The following TECPR2 variants were observed in gnomAD, a reference collection of about 807,000 sequenced individuals.
TECPR2 encodes the protein tectonin beta-propeller repeat-containing protein 2.
A neutral mutation model predicts 138.1 loss-of-function variants in TECPR2; 65 were observed. That is an observed-to-expected ratio of 0.47 (90% confidence interval 0.39 to 0.58). The LOEUF (loss-of-function observed/expected upper bound fraction) is 0.58, where lower values mean the gene tolerates loss of function less well. TECPR2 is among the 20% of genes least tolerant of loss of function. The pLI, the probability that TECPR2 is intolerant of heterozygous loss-of-function variation, is 0.00. For missense variants in TECPR2, 1,553 were observed against 1,824.5 expected (o/e 0.85, Z 2.71); for synonymous variants, 746 against 749.8 (o/e 0.99, Z 0.08).
intron 17 of TECPR2, among the ~76,000 whole-genome samples, chr14:102,491,056 G>A (rs576713858): frequency 2.7e-5 from 4 of 149,928 alleles, no homozygotes; most frequent in South Asian, 4.2e-4. Context: ...CACCATGCCC[G>A]ATTAATTTTG....
chr14:102,406,277 G>T (rs189702683), intron 2 of TECPR2, among the ~76,000 whole-genome samples: 1 of 151,904 alleles, frequency 6.6e-6, no homozygotes, highest in South Asian at 2.1e-4. Flanking sequence ...GGCTGGGCAT[G>T]GTGGCCCACA....
rs1311356272 is a variant in TECPR2 at position 102,376,889 on chromosome 14, G to T, written c.168G>T (p.Met56Ile). Reference protein sequence around the residue: ...DYIAVGSSIGMLYLYCRHLNQ... With the variant: ...DYIAVGSSIGILYLYCRHLNQ... ...TCGCGGTGGGCAGCAGCATCGGCAT[G>T]CTCTATCTGTACTGCCGGCACCTCA... Residue 56 changes from methionine (M) to isoleucine (I), a missense_variant, in exon 2 of 20, where the codon ATG becomes ATT. By Grantham distance (10) the Met-to-Ile change is conservative. Coordinates refer to ENST00000359520, the MANE Select transcript of TECPR2 (RefSeq NM_014844.5). 5.0e-6 allele frequency: 8 copies of T among 1,613,990 alleles called. No homozygotes were observed. The highest frequency in any genetic ancestry group is 1.6e-4 in the Middle Eastern group (1 of 6,084).
At chr14:102,456,884 C>A (rs116342726) in intron 16 of TECPR2, among the ~76,000 whole-genome samples, 1,682 of 151,464 alleles carry the variant, frequency 0.011, 36 homozygotes, top group African/African-American at 0.039. Context: ...CTACCGCACC[C>A]AGCCTCCCTG....
chr14:102,378,558 T>C (rs1887702879), intron 2 of TECPR2, among the ~76,000 whole-genome samples: 1 of 152,104 alleles, frequency 6.6e-6, no homozygotes, highest in Non-Finnish European at 1.5e-5. Context: ...TTGCCTGAGG[T>C]TGGCTGGTAG....
At chr14:102,406,717 T>C (rs995505040) in intron 2 of TECPR2, among the ~76,000 whole-genome samples, 2 of 151,952 alleles carry the variant, frequency 1.3e-5, no homozygotes, top group Admixed American at 6.6e-5. Context: ...TACCTGGGTG[T>C]GGGGCACACG....
chr14:102,439,050 G>A (rs1480004810), intron 10 of TECPR2, among the ~76,000 whole-genome samples: 1 of 151,696 alleles, frequency 6.6e-6, no homozygotes, highest in Non-Finnish European at 1.5e-5. Context: ...TTTTTTAGTG[G>A]ACACGGGGTT....
At chr14:102,466,356 G>A (rs1219687465) in intron 17 of TECPR2, among the ~76,000 whole-genome samples, 1 of 152,188 alleles carries the variant, frequency 6.6e-6, no homozygotes, top group Non-Finnish European at 1.5e-5. Flanking sequence ...CTTTGTGAAT[G>A]ATACGGCACT....
intron 10 of TECPR2, chr14:102,438,428 C>A: frequency 1.9e-6 from 1 of 523,680 alleles, no homozygotes; most frequent in Non-Finnish European, 3.3e-6. Flanking sequence ...AATGGGTGTT[C>A]AGTTTGAGTT....
chr14:102,369,422 T>C (rs1035580360), intron 1 of TECPR2, among the ~76,000 whole-genome samples: 3 of 152,154 alleles, frequency 2.0e-5, no homozygotes, highest in African/African-American at 7.2e-5. Context: ...GGGGTCTTGC[T>C]CTGTCACCTA....
At chr14:102,381,184 C>T (rs143977588) in intron 2 of TECPR2, among the ~76,000 whole-genome samples, 17 of 152,118 alleles carry the variant, frequency 1.1e-4, no homozygotes, top group Non-Finnish European at 1.8e-4. Flanking sequence ...TGGTGTCAAA[C>T]TCCTGATGTC....
intron 2 of TECPR2, among the ~76,000 whole-genome samples, chr14:102,385,438 A>G (rs987803648): frequency 6.6e-6 from 1 of 151,910 alleles, no homozygotes; most frequent in African/African-American, 2.4e-5. Context: ...AGCAGATATG[A>G]TAAGTCACGT....
Position 102,434,946 on chromosome 14 carries a change from A to C in TECPR2, c.2129A>C (p.Glu710Ala). The C allele has an allele frequency of 6.2e-7, 1 of 1,614,090 alleles. No individual in the cohort carries two copies. Among genetic ancestry groups the C allele is most frequent in the Non-Finnish European group, 8.5e-7 (1 of 1,180,046 alleles). ...ACTGATGATGACACAGGTCAGAAAG[A>C]AATACCCATTTCTGAACGTGTCTTG... The part of the protein sequence containing the change: ...AVTDDDTGQK[E>A]IPISERVLGS... The change falls in exon 9 of 20, where the codon GAA (glutamate) becomes GCA (alanine). Residue 710 changes from glutamate (E) to alanine (A), a missense_variant. By Grantham distance (107) the Glu-to-Ala change is moderately radical. Transcript: ENST00000359520.
At chr14:102,377,070 T>C (rs749878898) in intron 2 of TECPR2, 130 bp downstream of exon 2, 2 of 937,432 alleles carry the variant, frequency 2.1e-6, no homozygotes, top group Non-Finnish European at 3.2e-6. Context: ...ACCCAAACAA[T>C]ACTTTAAAAC....
chr14:102,382,293 C>CA (rs538495477), intron 2 of TECPR2, among the ~76,000 whole-genome samples: 486 of 131,154 alleles, frequency 3.7e-3, no homozygotes, highest in African/African-American at 3.7e-3. Flanking sequence ...AACTCCGTCC[C>CA]AAAAAAAAAA....
intron 16 of TECPR2, among the ~76,000 whole-genome samples, chr14:102,454,061 G>A (rs771675946): frequency 2.0e-5 from 3 of 151,846 alleles, no homozygotes; most frequent in Admixed American, 6.6e-5. Context: ...GCTGAGGCAC[G>A]AGAATCACTT....
At chr14:102,428,677 G>A (rs1047373095) in intron 7 of TECPR2, among the ~76,000 whole-genome samples, 1 of 152,228 alleles carries the variant, frequency 6.6e-6, no homozygotes, top group Non-Finnish European at 1.5e-5. Flanking sequence ...TGGGAGGATC[G>A]CTTGAGCCTG....
chr14:102,463,435 A>G (rs1292721255), intron 16 of TECPR2, among the ~76,000 whole-genome samples: 72 of 150,854 alleles, frequency 4.8e-4, no homozygotes, highest in South Asian at 2.3e-3. Context: ...AAAAAAAAAA[A>G]AAAAGAAAAA....
chr14:102,370,291 A>C (rs1449990030), intron 1 of TECPR2, among the ~76,000 whole-genome samples: 2 of 152,130 alleles, frequency 1.3e-5, no homozygotes, highest in Non-Finnish European at 2.9e-5. Flanking sequence ...TGCTGGTCTC[A>C]AACTCCTGAC....
At chr14:102,367,414 C>A (rs1887372975) in intron 1 of TECPR2, among the ~76,000 whole-genome samples, 2 of 152,146 alleles carry the variant, frequency 1.3e-5, no homozygotes, top group South Asian at 4.1e-4. Flanking sequence ...TACACCCTAA[C>A]CCCTTCTTCT....
Sources: gnomAD v4.1 joint callset for allele counts (sites outside exome capture counted in the v4.1 genomes callset) on GRCh38, gnomAD v4.1.1 for gene constraint, MANE v1.5 for transcripts, NCBI Gene and HGNC (gene_info 2026-07-23, HGNC 2026-07-21) for gene names.